DNM3: variants seen among roughly 807,000 people sequenced by gnomAD.
The protein encoded by DNM3 is dynamin-3.
Under a neutral mutation model 101.6 loss-of-function variants are expected in DNM3, and 47 were observed. The observed-to-expected ratio is 0.46, with a 90% CI of 0.37 to 0.59. The LOEUF (loss-of-function observed/expected upper bound fraction) is 0.59, where lower values mean the gene tolerates loss of function less well. DNM3 is among the 20% of genes least tolerant of loss of function. The pLI, the probability that DNM3 is intolerant of heterozygous loss-of-function variation, is 0.00. For missense variants in DNM3, 849 were observed against 1,085.7 expected, an observed-to-expected ratio of 0.78 and a Z score of 3.06; for synonymous variants, 385 against 387.9, an observed-to-expected ratio of 0.99 and a Z score of 0.09.
rs2071256366 is a variant in DNM3 at position 172,412,332 on chromosome 1, A to T, written c.*4491A>T. ...CCTTGTCTGCTACCAGTTTGTTAAA[A>T]ATTATTCCCCCCAACCAGTAATTCC... On this transcript the variant is annotated 3_prime_UTR_variant, in exon 21 of 21. Transcript: ENST00000627582. 1.0e-6 allele frequency: 1 copy of T among 985,522 alleles called. No homozygotes were observed. Among genetic ancestry groups the T allele is most frequent in the African/African-American group, 1.7e-5 (1 of 57,244 alleles). 61.0% of individuals were successfully genotyped at this position (985,522 alleles called of 1,614,324 possible).
intron 15 of DNM3, among the ~76,000 whole-genome samples, chr1:172,271,262 A>G (rs997513186): frequency 6.6e-6 from 1 of 152,152 alleles, no homozygotes; most frequent in African/African-American, 2.4e-5. Context: ...TCCTTTTTCT[A>G]GAAAGTCTGT....
At chr1:172,167,823 A>G (rs2058805690) in intron 14 of DNM3, among the ~76,000 whole-genome samples, 1 of 152,072 alleles carries the variant, frequency 6.6e-6, no homozygotes, top group Non-Finnish European at 1.5e-5. Context: ...AGTCACAATT[A>G]TTTAGTTCAT....
At chr1:171,918,429 C>A (rs2039893239) in intron 1 of DNM3, among the ~76,000 whole-genome samples, 2 of 152,140 alleles carry the variant, frequency 1.3e-5, no homozygotes, top group South Asian at 4.1e-4. Flanking sequence ...GCTCACACAG[C>A]AAGAGTGTGC....
chr1:172,060,252 G>A lies in DNM3; in HGVS notation c.1336-8567G>A, dbSNP rs545812930. Among the ~76,000 whole-genome samples, 27 of 123,872 alleles carry A rather than the reference G, an allele frequency of 2.2e-4. 2 individuals carry two copies. In the East Asian group the frequency reaches 2.9e-3, roughly 14 times the overall value. The allele number at this position is 123,872 out of a possible 152,430, so 81.3% of individuals were successfully genotyped here. ...CTCATGGGTAGGAAGAATCAATATC[G>A]TGAAAATGGCCATACTGCCCAAGGT... On this transcript the variant is annotated intron_variant, in intron 10 of 20. Coordinates refer to ENST00000627582, the MANE Select transcript of DNM3 (RefSeq NM_015569.5).
At chr1:172,279,498 T>C (rs1488664521) in intron 15 of DNM3, among the ~76,000 whole-genome samples, 2 of 152,156 alleles carry the variant, frequency 1.3e-5, no homozygotes, top group African/African-American at 4.8e-5. Flanking sequence ...TTAAGTGCGC[T>C]TGTTCCATCT....
chr1:171,869,813 C>A (rs539355038), intron 1 of DNM3, among the ~76,000 whole-genome samples: 1 of 152,340 alleles, frequency 6.6e-6, no homozygotes, highest in Admixed American at 6.5e-5. Context: ...TGACCAATGA[C>A]TTTCAGTTTA....
chr1:172,078,638 G>T (rs11591138), intron 11 of DNM3, among the ~76,000 whole-genome samples: 1 of 152,030 alleles, frequency 6.6e-6, no homozygotes, highest in Non-Finnish European at 1.5e-5. Flanking sequence ...GGTTAATATT[G>T]TTATGTGTGA....
chr1:171,843,688 A>T (rs992424141), intron 1 of DNM3, among the ~76,000 whole-genome samples: 1 of 152,196 alleles, frequency 6.6e-6, no homozygotes, highest in Non-Finnish European at 1.5e-5. Flanking sequence ...CCACAATTCT[A>T]CATTCTAGGT....
At chr1:172,014,577 A>G (rs1202687244) in intron 4 of DNM3, among the ~76,000 whole-genome samples, 2 of 152,064 alleles carry the variant, frequency 1.3e-5, no homozygotes, top group Middle Eastern at 3.2e-3. Flanking sequence ...TCATAGGCTT[A>G]CTTGTCATCT....
At chr1:172,162,098 A>G (rs1216128123) in intron 14 of DNM3, among the ~76,000 whole-genome samples, 4 of 152,144 alleles carry the variant, frequency 2.6e-5, no homozygotes, top group Non-Finnish European at 4.4e-5. Flanking sequence ...ACAAATATAT[A>G]TTAGACATGG....
intron 14 of DNM3, among the ~76,000 whole-genome samples, chr1:172,231,764 G>A (rs994106672): frequency 1.3e-5 from 2 of 152,218 alleles, no homozygotes; most frequent in African/African-American, 4.8e-5. Flanking sequence ...TGATGGAGCT[G>A]AAAACCATGG....
chr1:171,877,960 G>A (rs1449930940), intron 1 of DNM3, among the ~76,000 whole-genome samples: 1 of 152,168 alleles, frequency 6.6e-6, no homozygotes, highest in East Asian at 1.9e-4. Context: ...TTGCTCAGCT[G>A]TATTGCTTCG....
intron 14 of DNM3, among the ~76,000 whole-genome samples, chr1:172,154,506 T>C (rs2058263446): frequency 6.6e-6 from 1 of 152,136 alleles, no homozygotes; most frequent in Admixed American, 6.6e-5. Context: ...GGAAACCACA[T>C]GAAATTCACT....
chr1:171,929,686 C>G (rs2040850137), intron 2 of DNM3, among the ~76,000 whole-genome samples: 1 of 152,218 alleles, frequency 6.6e-6, no homozygotes, highest in Non-Finnish European at 1.5e-5. Flanking sequence ...AGATGGCAGC[C>G]TGGCCCTCCC....
intron 17 of DNM3, among the ~76,000 whole-genome samples, chr1:172,346,771 G>A (rs1049141408): frequency 3.9e-5 from 6 of 152,154 alleles, no homozygotes; most frequent in African/African-American, 1.2e-4. Context: ...GGAAACTAAA[G>A]CACTGGTTTC....
chr1:172,187,295 A>G (rs1188977812), intron 14 of DNM3, among the ~76,000 whole-genome samples: 1 of 152,016 alleles, frequency 6.6e-6, no homozygotes, highest in Non-Finnish European at 1.5e-5. Context: ...TTATTTGTAA[A>G]TTAATTTTTA....
chr1:171,952,570 T>C (rs1372517267), intron 2 of DNM3, among the ~76,000 whole-genome samples: 1 of 152,290 alleles, frequency 6.6e-6, no homozygotes, highest in African/African-American at 2.4e-5. Flanking sequence ...GGGGTTCCCT[T>C]GGCCCAGAGG....
chr1:171,879,471 TTG>T (rs2036071308), intron 1 of DNM3, among the ~76,000 whole-genome samples: 1 of 152,186 alleles, frequency 6.6e-6, no homozygotes, highest in African/African-American at 2.4e-5. Flanking sequence ...TTCCAAGTAG[TTG>T]TCTTAATATT....
intron 2 of DNM3, among the ~76,000 whole-genome samples, chr1:171,956,080 A>G (rs1240747192): frequency 6.6e-6 from 1 of 152,158 alleles, no homozygotes; most frequent in African/African-American, 2.4e-5. Context: ...GGGTGGGGAC[A>G]TAGCCAAACA....
Sources: allele counts gnomAD v4.1 joint callset (sites outside exome capture counted in the v4.1 genomes callset), GRCh38; gene constraint gnomAD v4.1.1; transcripts MANE v1.5; gene names NCBI Gene and HGNC (gene_info 2026-07-23, HGNC 2026-07-21).